Variants in CHD9 observed in about 807,000 individuals in gnomAD.
CHD9 encodes the protein ATP-dependent chromatin remodeler CHD9.
A neutral mutation model predicts 316.1 loss-of-function variants in CHD9; 77 were observed. That is an observed-to-expected ratio of 0.24 (90% CI 0.20 to 0.29). CHD9 has a LOEUF of 0.29. CHD9 is among the 10% of genes least tolerant of loss of function. CHD9 has a pLI of 1.00. For missense variants in CHD9, 2,763 were observed against 3,438.1 expected (o/e 0.80, Z 4.91); for synonymous variants, 1,129 against 1,158.3 (o/e 0.97, Z 0.51).
At chr16:53,131,038 G>C (rs2039237703) in intron 1 of CHD9, 1 of 155,096 alleles carries the variant, frequency 6.4e-6, no homozygotes, top group East Asian at 2.0e-4. Flanking sequence ...GCGCTGACAG[G>C]GGGGCCTGGC....
chr16:53,094,243 T>C lies in CHD9; in HGVS notation c.-165+39166T>C, dbSNP rs1596963066. 1.3e-5 allele frequency among the ~76,000 whole-genome samples: 2 copies of C among 152,294 alleles called. 1 individual carries two copies. Among genetic ancestry groups the C allele is most frequent in the South Asian group, 4.1e-4 (2 of 4,830 alleles). On this transcript the variant is annotated intron_variant, in intron 1 of 38. Transcript: ENST00000447540. ...AACTCCTGCTGTGCAAGATTTCCTA[T>C]ATACACCCAGCATCCGCCTAGTCTG...
chr16:53,135,174 A>G (rs902293852), intron 1 of CHD9, among the ~76,000 whole-genome samples: 6 of 152,170 alleles, frequency 3.9e-5, no homozygotes, highest in Non-Finnish European at 8.8e-5. Context: ...AAAGAAATGA[A>G]AAGTTCAGGA....
rs2050470946 is a variant in CHD9, at chr16:53,255,064, A to G, written c.4029+459A>G. 2.0e-5 allele frequency among the ~76,000 whole-genome samples: 3 copies of G among 152,124 alleles called. No individual in the cohort carries two copies. The South Asian group carries it at 6.2e-4, about 31-fold the overall frequency. On this transcript the variant is annotated intron_variant, in intron 18 of 38. Coordinates refer to ENST00000447540, the MANE Select transcript of CHD9 (RefSeq NM_001308319.2). The stretch of plus-strand genomic sequence containing the variant: ...CATGGCTCACACCTGTAATCTCAGC[A>G]CTTTGGGACGCTGAGGTAGGAGGAT...
chr16:53,089,056 G>T (rs1431212148), intron 1 of CHD9, among the ~76,000 whole-genome samples: 1 of 152,062 alleles, frequency 6.6e-6, no homozygotes, highest in Non-Finnish European at 1.5e-5. Flanking sequence ...AGGTTGCAGT[G>T]AGCCGAGATC....
At chr16:53,239,643 A>G (rs1394062110) in intron 12 of CHD9, among the ~76,000 whole-genome samples, 1 of 152,024 alleles carries the variant, frequency 6.6e-6, no homozygotes, top group Non-Finnish European at 1.5e-5. Context: ...ATTATTATAC[A>G]TGGCCAGGTT....
At chr16:53,059,586 G>A (rs2032597910) in intron 1 of CHD9, among the ~76,000 whole-genome samples, 1 of 152,234 alleles carries the variant, frequency 6.6e-6, no homozygotes, top group African/African-American at 2.4e-5. Flanking sequence ...AAAAGGAAAT[G>A]TGAGGTTCTG....
chr16:53,188,890 T>C (rs1280819698), intron 2 of CHD9, among the ~76,000 whole-genome samples: 1 of 152,048 alleles, frequency 6.6e-6, no homozygotes, highest in Non-Finnish European at 1.5e-5. Context: ...TAGCATTGTA[T>C]CTTTTTTTTA....
At chr16:53,060,992 C>A (rs2032827143) in intron 1 of CHD9, among the ~76,000 whole-genome samples, 1 of 133,962 alleles carries the variant, frequency 7.5e-6, no homozygotes, top group Non-Finnish European at 1.5e-5. Context: ...ATGGCATGAT[C>A]TCAGCTCACT....
intron 28 of CHD9, 88 bp from the exon 29 acceptor site, chr16:53,292,745 T>C (rs2153055635): frequency 9.9e-7 from 1 of 1,015,026 alleles, no homozygotes; most frequent in East Asian, 2.5e-5. Flanking sequence ...ATAGATTGAA[T>C]TAAAAATTTT....
intron 17 of CHD9, among the ~76,000 whole-genome samples, chr16:53,251,161 T>C (rs1345251113): frequency 6.6e-6 from 1 of 152,182 alleles, no homozygotes; most frequent in Non-Finnish European, 1.5e-5. Flanking sequence ...CACATTCTTG[T>C]TTGTTTGTCA....
At chr16:53,208,285 A>G (rs1251054288) in intron 2 of CHD9, 2 of 1,271,542 alleles carry the variant, frequency 1.6e-6, no homozygotes, top group Non-Finnish European at 2.0e-6. Flanking sequence ...GGTGGTGAAA[A>G]AGCAGAGGGC....
At chr16:53,295,222 G>A (rs1402252750) in intron 29 of CHD9, among the ~76,000 whole-genome samples, 1 of 152,214 alleles carries the variant, frequency 6.6e-6, no homozygotes. Context: ...TGCCTCCGGG[G>A]TTCAAGCAAT....
Position 53,304,000 on chromosome 16 carries a change from G to A in CHD9, c.5994G>A (p.Gln1998=). The A allele has an allele frequency of 6.2e-7, 1 of 1,614,028 alleles. No individual in the cohort carries two copies. Among genetic ancestry groups the A allele is most frequent in the Non-Finnish European group, 8.5e-7 (1 of 1,179,898 alleles). ...RDPELSFMAA[Q]RNYSQSKMAH... ...CTGAACTCTCATTTATGGCAGCTCA[G>A]AGGAACTACAGTCAAAGTAAGATGG... The change falls in exon 31 of 39, where the codon CAG becomes CAA. Residue 1998 remains glutamine (Q), a synonymous_variant. Transcript: ENST00000447540.
intron 10 of CHD9, 139 bp from the exon 11 acceptor site, chr16:53,235,046 C>A: frequency 1.8e-6 from 1 of 551,148 alleles, no homozygotes; most frequent in Non-Finnish European, 3.0e-6. Flanking sequence ...TTAATTTGAC[C>A]TTTAAATGTT....
At chr16:53,088,670 T>C (rs2035681400) in intron 1 of CHD9, among the ~76,000 whole-genome samples, 1 of 151,960 alleles carries the variant, frequency 6.6e-6, no homozygotes, top group South Asian at 2.1e-4. Context: ...TGCAGGGGTG[T>C]TGGGCATGGT....
At chr16:53,233,543 G>A (rs1297934930) in intron 10 of CHD9, among the ~76,000 whole-genome samples, 1 of 152,044 alleles carries the variant, frequency 6.6e-6, no homozygotes, top group Non-Finnish European at 1.5e-5. Flanking sequence ...TCACTATGTA[G>A]GCATGATTGA....
At chr16:53,145,537 T>C (rs1156343963) in intron 1 of CHD9, among the ~76,000 whole-genome samples, 1 of 151,752 alleles carries the variant, frequency 6.6e-6, no homozygotes, top group Non-Finnish European at 1.5e-5. Context: ...CGAAACCCTG[T>C]CTCTACTAAA....
intron 1 of CHD9, among the ~76,000 whole-genome samples, chr16:53,116,532 C>T (rs1451082328): frequency 6.6e-6 from 1 of 152,174 alleles, no homozygotes; most frequent in Non-Finnish European, 1.5e-5. Context: ...AAAAGTTAGG[C>T]AGTCCCAGTC....
intron 24 of CHD9, among the ~76,000 whole-genome samples, chr16:53,282,829 G>A (rs554729308): frequency 3.9e-5 from 6 of 151,958 alleles, no homozygotes; most frequent in Non-Finnish European, 7.4e-5. Context: ...ATTCTCCTGT[G>A]GTTTTTCTTT....
Sources: allele counts gnomAD v4.1 joint callset (sites outside exome capture counted in the v4.1 genomes callset), GRCh38; gene constraint gnomAD v4.1.1; transcripts MANE v1.5; gene names NCBI Gene and HGNC (gene_info 2026-07-23, HGNC 2026-07-21).